Variants in ARID3A observed in about 807,000 individuals in gnomAD.
The protein encoded by ARID3A is AT-rich interactive domain-containing protein 3A.
A neutral mutation model predicts 52.7 loss-of-function variants in ARID3A; 11 were observed. The ratio of observed to expected loss-of-function variants is 0.21; its 90% CI spans 0.13 to 0.35. The LOEUF is 0.35. Ranked by LOEUF, ARID3A falls within the 10% of genes least tolerant of loss-of-function variation. The pLI is 1.00. For synonymous variants in ARID3A, 404 were observed against 359.4 expected (o/e 1.12, Z -1.40); for missense variants, 721 against 838.5 (o/e 0.86, Z 1.73).
At chr19:940,643 G>T (rs77015925) in intron 3 of ARID3A, among the ~76,000 whole-genome samples, 5,042 of 152,254 alleles carry the variant, frequency 0.033, 215 homozygotes, top group East Asian at 0.18. Flanking sequence ...TGGGGCCTTT[G>T]CCCAGAGGTC....
In ARID3A at chr19:964,741, T is replaced by A; in HGVS notation, c.951-92T>A. ...AGTCCAAGGGAAGAACCAGGGATGG[T>A]GGTGCCACAGTGGGGTTTACTTTGT... On this transcript the variant is annotated intron_variant, in intron 5 of 8. Transcript: ENST00000263620. The surrounding 1 kb of genome is among the most constrained non-coding windows in gnomAD (Gnocchi z 5.7). 1 of 1,506,232 alleles carries A rather than the reference T, an allele frequency of 6.6e-7. No individual in the cohort carries two copies. The highest frequency in any genetic ancestry group is 8.9e-7 in the Non-Finnish European group (1 of 1,122,714). The allele number at this position is 1,506,232 out of a possible 1,614,324, so 93.3% of individuals were successfully genotyped here. A position where few individuals can be genotyped will look rare whatever the true frequency, so the allele number is the denominator to read the frequency against.
At position 966,676 on chromosome 19, in the gene ARID3A, G is replaced by A. The variant is rs1422739050; in HGVS notation, c.1303G>A (p.Ala435Thr). The A allele has an allele frequency of 2.3e-5, 37 of 1,610,344 alleles. No homozygotes were observed. The highest frequency in any genetic ancestry group is 8.9e-5 in the East Asian group (4 of 44,802). The change falls in exon 7 of 9, where the codon GCC (alanine) becomes ACC (threonine). Residue 435 changes from alanine (A) to threonine (T), a missense_variant. Ala to Thr is a moderately conservative substitution (Grantham distance 58). Around this residue, in one of 5 missense-constraint regions of ARID3A, gnomAD observed 297 missense variants for 343.2 expected, o/e 0.87. Transcript: ENST00000263620. ...AQAAAVQAAA[A>T]QAAVAAQAAA... ...GGCAGCAGCTGTGCAAGCAGCAGCCGCCCAAGCAGCTGTGGCCGCACAGGC... is the reference window on the plus strand; with the variant it reads ...GGCAGCAGCTGTGCAAGCAGCAGCCACCCAAGCAGCTGTGGCCGCACAGGC...
intron 1 of ARID3A, among the ~76,000 whole-genome samples, 151 bp downstream of exon 1, chr19:926,210 A>G (rs350142): frequency 0.75 from 112,157 of 150,016 alleles, 42,235 homozygotes; most frequent in African/African-American, 0.84. Context: ...AAGGCTGGGG[A>G]GCGCGCTGGC....
At chr19:951,533 A>G (rs2037803629) in intron 3 of ARID3A, among the ~76,000 whole-genome samples, 2 of 152,086 alleles carry the variant, frequency 1.3e-5, no homozygotes, top group Non-Finnish European at 2.9e-5. Flanking sequence ...CCTGGGCGAC[A>G]GAGTAAGACC....
At chr19:955,363 C>T (rs567322343) in intron 3 of ARID3A, among the ~76,000 whole-genome samples, 3 of 152,300 alleles carry the variant, frequency 2.0e-5, no homozygotes, top group East Asian at 3.9e-4. Flanking sequence ...CCATTAGAGC[C>T]GCCTCCCCCG....
chr19:965,107 G>A (rs374598901), intron 6 of ARID3A, 27 bp downstream of exon 6: 99 of 1,574,252 alleles, frequency 6.3e-5, no homozygotes, highest in African/African-American at 3.8e-4. Flanking sequence ...GGCCTGGGGC[G>A]TGTTCCCAAC....
chr19:962,512 C>CTTT (rs2038062616), intron 4 of ARID3A, among the ~76,000 whole-genome samples: 1 of 43,290 alleles, frequency 2.3e-5, no homozygotes, highest in Non-Finnish European at 6.3e-5. Flanking sequence ...TGCTGCTGAT[C>CTTT]CTTTTTTTTT....
intron 8 of ARID3A, 38 bp from the exon 9 acceptor site, chr19:971,840 A>G: frequency 6.4e-7 from 1 of 1,564,434 alleles, no homozygotes; most frequent in South Asian, 1.2e-5. Flanking sequence ...GCATCTTCTT[A>G]AACTCTGCAT....
intron 7 of ARID3A, 76 bp downstream of exon 7, chr19:966,944 A>G (rs2038170858): frequency 8.9e-6 from 13 of 1,457,032 alleles, no homozygotes; most frequent in Non-Finnish European, 1.2e-5. Context: ...CTACATATGT[A>G]AAGAGTGCCA....
chr19:929,619 C>G lies in ARID3A; in HGVS notation c.91C>G (p.Pro31Ala). The change falls in exon 2 of 9, where the codon CCC becomes GCC. Residue 31 changes from proline to alanine, a missense_variant. This residue lies in a region of ARID3A where 349 missense variants were observed against 297.3 expected (regional missense o/e 1.17). Transcript: ENST00000263620. The surrounding 1 kb of genome is among the most constrained non-coding windows in gnomAD (Gnocchi z 6.2). ...LEARQQLPPD[P>A]PAAPPGRARA... ...GGCCCGGCAGCAGCTGCCCCCCGAT[C>G]CCCCTGCTGCACCCCCCGGCCGGGC... 1 of 1,524,762 alleles carries G rather than the reference C, an allele frequency of 6.6e-7. No individual in the cohort carries two copies. 94.5% of individuals were successfully genotyped at this position (1,524,762 alleles called of 1,614,324 possible).
chr19:932,646 G>C lies in ARID3A; in HGVS notation c.597G>C (p.Gly199=). The stretch of plus-strand genomic sequence containing the variant: ...TGCTGGGGGGCCAGGAGCGGCCGGG[G>C]CCTGGCCCTGCCCACCCCGGAGGGG... ...PRVLGGQERP[G]PGPAHPGGAA... The change falls in exon 3 of 9, where the codon GGG becomes GGC. Residue 199 remains glycine (G), a synonymous_variant. Coordinates refer to ENST00000263620, the MANE Select transcript of ARID3A (RefSeq NM_005224.3). 6.5e-7 allele frequency: 1 copy of C among 1,542,740 alleles called. No individual in the cohort carries two copies. Among genetic ancestry groups the C allele is most frequent in the Non-Finnish European group, 8.7e-7 (1 of 1,145,020 alleles).
rs545671547 is a variant in ARID3A, at chr19:954,958, C to T, written c.694-5134C>T. 1.4e-4 allele frequency among the ~76,000 whole-genome samples: 22 copies of T among 152,274 alleles called. No homozygotes were observed. The East Asian group carries it at 1.9e-3, about 13-fold the overall frequency. On this transcript the variant is annotated intron_variant, in intron 3 of 8. Transcript: ENST00000263620. ...GCGGGCCGCTTATCTCGGCCCTCAGCCCCTGGGGAGGGAGTTTCCGGAGAT... is the reference window on the plus strand; with the variant it reads ...GCGGGCCGCTTATCTCGGCCCTCAGTCCCTGGGGAGGGAGTTTCCGGAGAT...
At chr19:948,568 C>G (rs991698550) in intron 3 of ARID3A, among the ~76,000 whole-genome samples, 1 of 152,158 alleles carries the variant, frequency 6.6e-6, no homozygotes, top group East Asian at 1.9e-4. Context: ...TCCTGCCCCC[C>G]GTGCCCTCCT....
intron 3 of ARID3A, 97 bp downstream of exon 3, chr19:932,839 G>T (rs2037362424): frequency 6.7e-7 from 1 of 1,500,466 alleles, no homozygotes; most frequent in African/African-American, 1.4e-5. Context: ...TGCTGAGCCG[G>T]GCGTCGAGTT....
intron 3 of ARID3A, among the ~76,000 whole-genome samples, chr19:956,894 CGT>C (rs1238094847): frequency 6.6e-6 from 1 of 152,208 alleles, no homozygotes; most frequent in Non-Finnish European, 1.5e-5. Flanking sequence ...AGGGGCTGGG[CGT>C]GGGTCTCCTT....
Position 968,686 on chromosome 19 carries a change from T to C in ARID3A, c.1594+183T>C. The C allele has an allele frequency of 5.2e-6, 3 of 578,936 alleles. No individual in the cohort carries two copies. The South Asian group carries it at 6.1e-5, about 12-fold the overall frequency. 35.9% of individuals were successfully genotyped at this position (578,936 alleles called of 1,614,324 possible). A position where few individuals can be genotyped will look rare whatever the true frequency, so the allele number is the denominator to read the frequency against. ...GGAGAGGATACCATCGTTCACCCGG[T>C]ACCACGCTCAGCCCAGAGGGGGTCG... On this transcript the variant is annotated intron_variant, in intron 8 of 8. Coordinates refer to ENST00000263620, the MANE Select transcript of ARID3A (RefSeq NM_005224.3).
Position 960,445 on chromosome 19 carries a change from A to T in ARID3A, c.766+281A>T, listed in dbSNP as rs1637995. On this transcript the variant is annotated intron_variant, in intron 4 of 8. Transcript: ENST00000263620. This position sits in a 1 kb window ranked among gnomAD's most constrained non-coding sequence, Gnocchi z 4.3. Reference sequence around the variant, plus strand: ...CAACCCAGAACAGACAGTCCAGGTCATCTCCTTAGCATCCAGGGTGCAGTG... The same window carrying T: ...CAACCCAGAACAGACAGTCCAGGTCTTCTCCTTAGCATCCAGGGTGCAGTG... Among the ~76,000 whole-genome samples, 2 of 151,918 alleles carry T rather than the reference A, an allele frequency of 1.3e-5. No homozygotes were observed. Among genetic ancestry groups the T allele is most frequent in the Admixed American group, 6.6e-5 (1 of 15,266 alleles).
In ARID3A at chr19:944,235, C is replaced by G; in HGVS notation, c.693+11493C>G. Among the ~76,000 whole-genome samples, 1 of 152,038 alleles carries G rather than the reference C, an allele frequency of 6.6e-6. No individual in the cohort carries two copies. The highest frequency in any genetic ancestry group is 2.4e-5 in the African/African-American group (1 of 41,292). ...GCCGCCGGCACTGGAGTCCTGACGT[C>G]GGCAGCGCGGTGGAGGGCGGGCCTG... is the stretch of plus-strand genomic sequence containing the variant. On this transcript the variant is annotated intron_variant, in intron 3 of 8. Transcript: ENST00000263620. The surrounding 1 kb of genome is among the most constrained non-coding windows in gnomAD (Gnocchi z 5.9).
rs1288094122 is a variant in ARID3A, at chr19:972,220, A to AATAT, written c.*156_*157insTATA. On this transcript the variant is annotated 3_prime_UTR_variant, in exon 9 of 9. Coordinates refer to ENST00000263620, the MANE Select transcript of ARID3A (RefSeq NM_005224.3). ...AGCTGACGCCAAAAAGAAAAGAAAA[A>AATAT]AGATATATATATATATATATATATA... 7 of 303,734 alleles carry AATAT rather than the reference A, an allele frequency of 2.3e-5. No individual in the cohort carries two copies. The highest frequency in any genetic ancestry group is 1.8e-5 in the Non-Finnish European group (3 of 169,318). 18.8% of individuals were successfully genotyped at this position (303,734 alleles called of 1,614,324 possible).
Sources: gnomAD v4.1 joint callset for allele counts (sites outside exome capture counted in the v4.1 genomes callset) on GRCh38, gnomAD v4.1.1 for gene constraint, gnomAD v4.1.1 regional missense constraint, Gnocchi (gnomAD v3.1) non-coding constraint, MANE v1.5 for transcripts, NCBI Gene and HGNC (gene_info 2026-07-23, HGNC 2026-07-21) for gene names.